The following HEPHL1 variants were observed in gnomAD, a reference collection of about 807,000 sequenced individuals.
HEPHL1 encodes hephaestin like 1.
A neutral mutation model predicts 122.0 loss-of-function variants in HEPHL1; 123 were observed. That is an observed-to-expected ratio of 1.01 (90% CI 0.87 to 1.17). The LOEUF (loss-of-function observed/expected upper bound fraction) is 1.17, where lower values mean the gene tolerates loss of function less well. Among genes scored for constraint, HEPHL1 ranks in the 50% most tolerant of loss-of-function variants. HEPHL1 has a pLI of 0.00. For missense variants in HEPHL1, 1,452 were observed against 1,430.5 expected (o/e 1.01, Z -0.24); for synonymous variants, 527 against 508.9 (o/e 1.04, Z -0.48).
chr11:94,064,626 G>A, intron 4 of HEPHL1, 116 bp downstream of exon 4: 1 of 686,140 alleles, frequency 1.5e-6, no homozygotes, highest in Non-Finnish European at 2.4e-6. Flanking sequence ...TATAACTCAG[G>A]GATGACCATG....
At chr11:94,083,083 T>TA (rs35037205) in intron 10 of HEPHL1, among the ~76,000 whole-genome samples, 98,582 of 142,190 alleles carry the variant, frequency 0.69, 33,882 homozygotes, top group African/African-American at 0.77. Context: ...AGACTCCGTC[T>TA]AAAAAAAAAA....
chr11:94,079,146 T>C (rs950828410), intron 9 of HEPHL1, among the ~76,000 whole-genome samples: 1 of 152,208 alleles, frequency 6.6e-6, no homozygotes, highest in African/African-American at 2.4e-5. Context: ...AGTTGTTGCG[T>C]TGAGTGCTTT....
intron 6 of HEPHL1, among the ~76,000 whole-genome samples, chr11:94,072,328 A>G (rs1473314498): frequency 6.6e-6 from 1 of 152,088 alleles, no homozygotes; most frequent in East Asian, 1.9e-4. Flanking sequence ...AGTGGGAAGA[A>G]AGGAAAAGAA....
intron 2 of HEPHL1, among the ~76,000 whole-genome samples, chr11:94,047,443 A>T (rs1465889503): frequency 6.6e-6 from 1 of 152,080 alleles, no homozygotes; most frequent in Non-Finnish European, 1.5e-5. Flanking sequence ...CCCACTTATA[A>T]GTGAGAATAT....
At chr11:94,063,447 G>A in intron 2 of HEPHL1, 61 bp from the exon 3 acceptor site, 1 of 1,305,042 alleles carries the variant, frequency 7.7e-7, no homozygotes, top group Non-Finnish European at 1.1e-6. Flanking sequence ...CTCTACTATA[G>A]CATGTGATCT....
intron 12 of HEPHL1, among the ~76,000 whole-genome samples, chr11:94,089,894 C>T (rs528732404): frequency 1.3e-5 from 2 of 152,196 alleles, no homozygotes; most frequent in South Asian, 2.1e-4. Context: ...CCCTCCTGGC[C>T]CAGTTCCTCT....
intron 17 of HEPHL1, among the ~76,000 whole-genome samples, chr11:94,108,270 T>C (rs765108222): frequency 5.3e-5 from 8 of 152,150 alleles, no homozygotes; most frequent in African/African-American, 4.8e-5. Flanking sequence ...TTCCTTATTG[T>C]AGAGTTTGAG....
At chr11:94,100,474 G>A (rs190595360) in intron 13 of HEPHL1, among the ~76,000 whole-genome samples, 2 of 152,334 alleles carry the variant, frequency 1.3e-5, no homozygotes, top group East Asian at 3.9e-4. Context: ...CACCCAGCCT[G>A]GTTGCTTCCA....
chr11:94,027,752 C>A (rs918177689), intron 1 of HEPHL1, among the ~76,000 whole-genome samples: 8 of 152,096 alleles, frequency 5.3e-5, no homozygotes, highest in Admixed American at 3.3e-4. Context: ...TTTGAACACA[C>A]CTTGTATATG....
chr11:94,101,667 G>T (rs1351361489), intron 14 of HEPHL1, among the ~76,000 whole-genome samples: 1 of 152,138 alleles, frequency 6.6e-6, no homozygotes, highest in Non-Finnish European at 1.5e-5. Context: ...TACTCTAAGG[G>T]TTTTGACAAA....
intron 16 of HEPHL1, 26 bp from the exon 17 acceptor site, chr11:94,105,965 G>A (rs776642276): frequency 1.7e-5 from 26 of 1,509,216 alleles, no homozygotes; most frequent in Non-Finnish European, 2.2e-5. Flanking sequence ...ACTAACCAAA[G>A]GTTATTTTCT....
intron 9 of HEPHL1, among the ~76,000 whole-genome samples, chr11:94,080,238 G>A (rs1055035633): frequency 6.6e-6 from 1 of 152,176 alleles, no homozygotes; most frequent in Non-Finnish European, 1.5e-5. Context: ...GAACTGGCTA[G>A]CCATATGCAG....
intron 13 of HEPHL1, among the ~76,000 whole-genome samples, chr11:94,098,847 A>T (rs1202346813): frequency 6.6e-6 from 1 of 152,172 alleles, no homozygotes; most frequent in Admixed American, 6.5e-5. Flanking sequence ...TTCTCGTGCC[A>T]TGGTTTTCAG....
chr11:94,099,226 C>G (rs1002526058), intron 13 of HEPHL1, among the ~76,000 whole-genome samples: 1 of 152,256 alleles, frequency 6.6e-6, no homozygotes, highest in African/African-American at 2.4e-5. Flanking sequence ...AGTTTTCCTT[C>G]TAACAGTCAG....
At chr11:94,093,985 T>G (rs1349034513) in intron 13 of HEPHL1, among the ~76,000 whole-genome samples, 1,748 of 81,896 alleles carry the variant, frequency 0.021, 147 homozygotes, top group African/African-American at 0.1. Context: ...TATATATATA[T>G]ATATATATAT....
chr11:94,105,542 CTTTTA>C (rs1025506159), intron 16 of HEPHL1, among the ~76,000 whole-genome samples: 1 of 151,090 alleles, frequency 6.6e-6, no homozygotes, highest in Non-Finnish European at 1.5e-5. Flanking sequence ...GTGAAGCTCT[CTTTTA>C]TTTTTGGAGA....
At chr11:94,071,965 T>C (rs1435227106) in intron 6 of HEPHL1, among the ~76,000 whole-genome samples, 2 of 152,020 alleles carry the variant, frequency 1.3e-5, no homozygotes, top group African/African-American at 4.8e-5. Context: ...AAATAGAGAA[T>C]TGGGGTAAAC....
chr11:94,022,119 A>G (rs1412082188), intron 1 of HEPHL1, among the ~76,000 whole-genome samples: 1 of 152,274 alleles, frequency 6.6e-6, no homozygotes, highest in African/African-American at 2.4e-5. Context: ...GCTGAGGGCA[A>G]TATCTTATCC....
intron 2 of HEPHL1, among the ~76,000 whole-genome samples, chr11:94,046,522 G>T (rs1945841071): frequency 2.0e-5 from 3 of 147,792 alleles, no homozygotes; most frequent in African/African-American, 5.0e-5. Flanking sequence ...TTTCTTCCTT[G>T]TCACTTAGTT....
Sources: allele counts gnomAD v4.1 joint callset (sites outside exome capture counted in the v4.1 genomes callset), GRCh38; gene constraint gnomAD v4.1.1; transcripts MANE v1.5; gene names NCBI Gene and HGNC (gene_info 2026-07-23, HGNC 2026-07-21).